Variants in RBM20 observed in about 807,000 individuals in gnomAD.
The protein encoded by RBM20 is RNA binding motif protein 20.
In RBM20, 51 loss-of-function variants were observed where a neutral mutation model predicts 110.1. The ratio of observed to expected loss-of-function variants is 0.46; its 90% CI spans 0.37 to 0.59. RBM20 has a LOEUF of 0.59. Among genes scored for constraint, RBM20 ranks in the 20% least tolerant of loss-of-function variants. The pLI is 0.00. For missense variants in RBM20, 1,512 were observed against 1,574.9 expected (o/e 0.96, Z 0.68); for synonymous variants, 589 against 618.2 (o/e 0.95, Z 0.70).
At chr10:110,741,704 C>T (rs1032844481) in intron 1 of RBM20, among the ~76,000 whole-genome samples, 1 of 152,164 alleles carries the variant, frequency 6.6e-6, no homozygotes, top group African/African-American at 2.4e-5. Context: ...TAGCTATGTA[C>T]CTGAGGGCTG....
At chr10:110,701,253 T>A (rs1331672196) in intron 1 of RBM20, among the ~76,000 whole-genome samples, 1 of 152,116 alleles carries the variant, frequency 6.6e-6, no homozygotes, top group Admixed American at 6.5e-5. Context: ...AAGAATTTTT[T>A]TTTTTCCTCC....
intron 4 of RBM20, 104 bp from the exon 5 acceptor site, chr10:110,784,685 ATAT>A: frequency 1.3e-6 from 1 of 779,064 alleles, no homozygotes; most frequent in East Asian, 2.7e-5. Context: ...ATCACTAATA[ATAT>A]GTGAAGGGGA....
intron 1 of RBM20, among the ~76,000 whole-genome samples, chr10:110,731,488 C>T (rs1406334999): frequency 1.3e-5 from 2 of 152,150 alleles, no homozygotes; most frequent in African/African-American, 4.8e-5. Context: ...TTCCCTTTGC[C>T]ATATCCCATT....
At chr10:110,831,876 A>G (rs1270630537) in intron 13 of RBM20, among the ~76,000 whole-genome samples, 2 of 152,142 alleles carry the variant, frequency 1.3e-5, no homozygotes, top group Non-Finnish European at 2.9e-5. Context: ...AATAAATGGT[A>G]TAGTATGTTA....
intron 12 of RBM20, among the ~76,000 whole-genome samples, chr10:110,825,451 G>A (rs1358807890): frequency 6.6e-6 from 1 of 152,146 alleles, no homozygotes; most frequent in Admixed American, 6.5e-5. Context: ...ACCATATCAA[G>A]TCAATATTAA....
At chr10:110,644,164 G>A (rs1861829035), upstream of RBM20, among the ~76,000 whole-genome samples, 1 of 152,162 alleles carries the variant, frequency 6.6e-6, no homozygotes. This position sits in a 1 kb window ranked among gnomAD's most constrained non-coding sequence, Gnocchi z 4.3. Flanking sequence ...GGCGGGCAGA[G>A]TTCCTGGGTC....
chr10:110,758,937 A>G (rs944901167), intron 1 of RBM20, among the ~76,000 whole-genome samples: 4 of 152,164 alleles, frequency 2.6e-5, no homozygotes, highest in African/African-American at 2.4e-5. Context: ...AAATCTGGAA[A>G]ATTTAATGAT....
intron 10 of RBM20, 72 bp from the exon 11 acceptor site, chr10:110,821,203 T>C: frequency 2.3e-6 from 3 of 1,313,776 alleles, no homozygotes; most frequent in Non-Finnish European, 3.2e-6. Flanking sequence ...GTGGTCCTTA[T>C]GGCCAAGTCT....
At chr10:110,678,023 A>G (rs932986007) in intron 1 of RBM20, among the ~76,000 whole-genome samples, 2 of 152,254 alleles carry the variant, frequency 1.3e-5, no homozygotes, top group Admixed American at 1.3e-4. Context: ...GATGAATGGA[A>G]TAGGTAATTC....
intron 1 of RBM20, among the ~76,000 whole-genome samples, chr10:110,726,461 C>A (rs899275269): frequency 4.6e-5 from 7 of 152,154 alleles, no homozygotes; most frequent in Admixed American, 2.6e-4. Context: ...TACTCTGCAC[C>A]CAATGAGAGT....
chr10:110,765,996 A>T (rs1005272579), intron 1 of RBM20, among the ~76,000 whole-genome samples: 1 of 152,154 alleles, frequency 6.6e-6, no homozygotes, highest in East Asian at 1.9e-4. Context: ...CTTATTTTCC[A>T]TAGTAATATA....
chr10:110,758,121 C>T (rs184270100), intron 1 of RBM20, among the ~76,000 whole-genome samples: 1 of 148,082 alleles, frequency 6.8e-6, no homozygotes, highest in Admixed American at 6.8e-5. Flanking sequence ...CAGGCTCAAG[C>T]AATCCTCCTG....
chr10:110,715,700 T>C (rs1590632791), intron 1 of RBM20, among the ~76,000 whole-genome samples: 2 of 152,102 alleles, frequency 1.3e-5, no homozygotes, highest in African/African-American at 4.8e-5. Context: ...ATGACTGGGG[T>C]TCCACCATCT....
chr10:110,727,158 TTTTTTTTTTTTTTTA>T, intron 1 of RBM20, among the ~76,000 whole-genome samples: 1 of 113,170 alleles, frequency 8.8e-6, no homozygotes, highest in Admixed American at 8.5e-5. Context: ...TTTTTTTTTT[TTTTTTTTTTTTTTTA>T]CTATTAAGAA....
intron 1 of RBM20, among the ~76,000 whole-genome samples, chr10:110,719,722 ATTAAAG>A (rs1843482511): frequency 6.6e-6 from 1 of 151,784 alleles, no homozygotes; most frequent in Non-Finnish European, 1.5e-5. Context: ...TGTATTTTTT[ATTAAAG>A]TTAGAGATTT....
chr10:110,782,068 A>G (rs1011225026), intron 2 of RBM20, among the ~76,000 whole-genome samples, 184 bp downstream of exon 2: 7 of 152,220 alleles, frequency 4.6e-5, no homozygotes, highest in African/African-American at 1.7e-4. Flanking sequence ...ATGTATCAGG[A>G]CCAGTCCCTT....
At chr10:110,728,002 T>C (rs560094729) in intron 1 of RBM20, among the ~76,000 whole-genome samples, 1 of 152,244 alleles carries the variant, frequency 6.6e-6, no homozygotes, top group African/African-American at 2.4e-5. Flanking sequence ...TATGGCTGCA[T>C]AGTATTTCAC....
chr10:110,691,331 G>A (rs1325052008), intron 1 of RBM20, among the ~76,000 whole-genome samples: 2 of 152,180 alleles, frequency 1.3e-5, no homozygotes, highest in Non-Finnish European at 2.9e-5. Context: ...ATAATTCTGT[G>A]GTTAGCTTTT....
chr10:110,729,467 C>T (rs1654344315), intron 1 of RBM20, among the ~76,000 whole-genome samples: 1 of 152,186 alleles, frequency 6.6e-6, no homozygotes, highest in South Asian at 2.1e-4. Flanking sequence ...TCCTTTGATG[C>T]ATTGATCAAC....
Sources: gnomAD v4.1 joint callset for allele counts (sites outside exome capture counted in the v4.1 genomes callset) on GRCh38, gnomAD v4.1.1 for gene constraint, Gnocchi (gnomAD v3.1) non-coding constraint, MANE v1.5 for transcripts, NCBI Gene and HGNC (gene_info 2026-07-23, HGNC 2026-07-21) for gene names.